RASSF3: variants seen among roughly 807,000 people sequenced by gnomAD.
RASSF3 encodes the protein ras association domain-containing protein 3.
RASSF3 carries 19 observed loss-of-function variants against 19.9 expected under a neutral mutation model. The ratio of observed to expected loss-of-function variants is 0.96; its 90% confidence interval spans 0.67 to 1.40. The LOEUF (loss-of-function observed/expected upper bound fraction) is 1.40, where lower values mean the gene tolerates loss of function less well. Among genes scored for constraint, RASSF3 ranks in the 40% most tolerant of loss-of-function variants. The pLI is 0.00. For synonymous variants in RASSF3, 110 were observed against 104.2 expected (o/e 1.06, Z -0.34); for missense variants, 306 against 289.8 (o/e 1.06, Z -0.41).
At chr12:64,572,095 G>A (rs750780640) in intron 2 of RASSF3, among the ~76,000 whole-genome samples, 2 of 151,986 alleles carry the variant, frequency 1.3e-5, no homozygotes, top group Admixed American at 6.6e-5. Context: ...ACTGATCACA[G>A]TTTGTAATTG....
chr12:64,637,892 C>T (rs905537880), intron 1 of RASSF3, among the ~76,000 whole-genome samples: 4 of 151,226 alleles, frequency 2.6e-5, no homozygotes, highest in Non-Finnish European at 5.9e-5. Flanking sequence ...AGTGCAGTGG[C>T]ACAATCTTGG....
chr12:64,545,054 A>G (rs1051343418), downstream of RASSF3, among the ~76,000 whole-genome samples: 6 of 152,216 alleles, frequency 3.9e-5, no homozygotes, highest in Non-Finnish European at 8.8e-5. Context: ...GCTTCGTTTT[A>G]TGTAGTATCT....
intron 1 of RASSF3, among the ~76,000 whole-genome samples, chr12:64,615,260 A>T (rs1185272016): frequency 2.0e-5 from 3 of 152,212 alleles, no homozygotes; most frequent in East Asian, 1.9e-4. Flanking sequence ...AATCTGTCAG[A>T]GTGTGTCTTA....
At chr12:64,689,216 T>C (rs965847006) in intron 3 of RASSF3, among the ~76,000 whole-genome samples, 1 of 137,668 alleles carries the variant, frequency 7.3e-6, no homozygotes, top group African/African-American at 2.9e-5. Context: ...CGATTTGAAA[T>C]CGGGGTGTGT....
intron 1 of RASSF3, among the ~76,000 whole-genome samples, chr12:64,625,480 A>T (rs1469283800): frequency 1.3e-5 from 2 of 149,068 alleles, no homozygotes; most frequent in Non-Finnish European, 3.0e-5. Context: ...TTTCTCTCTT[A>T]TCTGCCTCTG....
chr12:64,652,209 G>GTAGT (rs35904891), intron 1 of RASSF3, among the ~76,000 whole-genome samples: 7,745 of 152,166 alleles, frequency 0.051, 677 homozygotes, highest in African/African-American at 0.18. Context: ...AATTAACATT[G>GTAGT]TAGTTTTACA....
intron 1 of RASSF3, among the ~76,000 whole-genome samples, chr12:64,516,938 G>T (rs929776261): frequency 1.0e-4 from 15 of 144,514 alleles, no homozygotes; most frequent in African/African-American, 3.9e-4. Flanking sequence ...GGCAGAGGTT[G>T]CAGTGAGTCT....
rs575442814 is a variant in RASSF3, at chr12:64,693,546, G to C, written c.568-1217G>C. On this transcript the variant is annotated intron_variant, in intron 4 of 4. Transcript: ENST00000542104. ...CAATCCTCCTACCTCAGCCTCCCAA[G>C]TAACTGGGACTACAGGAATGTACTG... Among the ~76,000 whole-genome samples the C allele has an allele frequency of 1.4e-4, 22 of 152,070 alleles. No individual in the cohort carries two copies. In the South Asian group the frequency reaches 4.6e-3, roughly 32 times the overall value.
intron 2 of RASSF3, among the ~76,000 whole-genome samples, chr12:64,571,477 A>G (rs1253727540): frequency 3.3e-5 from 5 of 152,144 alleles, no homozygotes; most frequent in African/African-American, 1.2e-4. Context: ...CAAAGGAGAA[A>G]GTGGGTTCAG....
intron 1 of RASSF3, among the ~76,000 whole-genome samples, chr12:64,656,005 C>T (rs1282873802): frequency 7.0e-6 from 1 of 143,822 alleles, no homozygotes; most frequent in Non-Finnish European, 1.5e-5. Context: ...CCAGCTTGGG[C>T]AACAGAGTGA....
chr12:64,629,705 C>G (rs1592431026), intron 1 of RASSF3, among the ~76,000 whole-genome samples: 1 of 151,812 alleles, frequency 6.6e-6, no homozygotes, highest in African/African-American at 2.4e-5. Flanking sequence ...TGGCTCATGC[C>G]TGTAATCCCA....
chr12:64,679,541 G>A (rs1026325506), intron 1 of RASSF3, among the ~76,000 whole-genome samples: 5 of 152,154 alleles, frequency 3.3e-5, no homozygotes, highest in African/African-American at 4.8e-5. Context: ...GAGCCTGTGG[G>A]ATTGGGCCGC....
chr12:64,587,216 G>A lies in RASSF3; in HGVS notation c.294+45511G>A, dbSNP rs980965761. Reference sequence around the variant, plus strand: ...ATTACAGGCATGCACCACCATGCCCGGCTAATTTTTGTATTTTTGAAATAG... The same window carrying A: ...ATTACAGGCATGCACCACCATGCCCAGCTAATTTTTGTATTTTTGAAATAG... On this transcript the variant is annotated intron_variant, in intron 2 of 5. Coordinates refer to the RASSF3 transcript ENST00000637125. Among the ~76,000 whole-genome samples, 8 of 151,630 alleles carry A rather than the reference G, an allele frequency of 5.3e-5. No individual in the cohort carries two copies. The East Asian group carries it at 9.9e-4, about 19-fold the overall frequency.
intron 2 of RASSF3, among the ~76,000 whole-genome samples, chr12:64,579,597 T>C (rs955600761): frequency 7.2e-5 from 11 of 152,148 alleles, no homozygotes; most frequent in African/African-American, 2.4e-4. Flanking sequence ...GTGATCCGCC[T>C]GCCTTGGCCT....
chr12:64,563,436 C>T (rs2136126630), intron 2 of RASSF3, among the ~76,000 whole-genome samples: 1 of 152,264 alleles, frequency 6.6e-6, no homozygotes, highest in East Asian at 1.9e-4. Flanking sequence ...TCCCAAAGTG[C>T]TGGGATTACA....
At chr12:64,565,300 G>C (rs1035786066) in intron 2 of RASSF3, among the ~76,000 whole-genome samples, 1 of 152,154 alleles carries the variant, frequency 6.6e-6, no homozygotes, top group Non-Finnish European at 1.5e-5. Context: ...GAGCTGGCCA[G>C]GCGTGGTGGC....
intron 3 of RASSF3, among the ~76,000 whole-genome samples, chr12:64,689,422 G>A (rs1873490506): frequency 6.6e-6 from 1 of 152,166 alleles, no homozygotes. Flanking sequence ...GCTAGACCCT[G>A]TGGAATACAA....
intron 1 of RASSF3, among the ~76,000 whole-genome samples, chr12:64,627,592 AC>A (rs1592429790): frequency 1.3e-5 from 2 of 152,312 alleles, no homozygotes; most frequent in East Asian, 3.9e-4. Context: ...TTGTTAATTG[AC>A]CACCTGGTTT....
chr12:64,658,225 G>A (rs994765951), intron 1 of RASSF3, among the ~76,000 whole-genome samples: 1 of 152,042 alleles, frequency 6.6e-6, no homozygotes, highest in African/African-American at 2.4e-5. Context: ...TTTTTTTAAA[G>A]CTAGAGTGTC....
Sources: gnomAD v4.1 joint callset for allele counts (sites outside exome capture counted in the v4.1 genomes callset) on GRCh38, gnomAD v4.1.1 for gene constraint, MANE v1.5 for transcripts, NCBI Gene and HGNC (gene_info 2026-07-23, HGNC 2026-07-21) for gene names.